GAREM1: variants seen among roughly 807,000 people sequenced by gnomAD.
GAREM1 encodes the protein GRB2 associated regulator of MAPK1 subtype 1, also known as GRB2-associated and regulator of MAPK protein 1.
GAREM1 carries 26 observed loss-of-function variants against 71.3 expected under a neutral mutation model. The observed-to-expected ratio is 0.36, with a 90% CI of 0.27 to 0.51. The LOEUF is 0.51. Ranked by LOEUF, GAREM1 falls within the 20% of genes least tolerant of loss-of-function variation. The pLI is 0.95. For synonymous variants in GAREM1, 440 were observed against 433.2 expected (o/e 1.02, Z -0.20); for missense variants, 1,026 against 1,103.1 (o/e 0.93, Z 0.99).
intron 2 of GAREM1, among the ~76,000 whole-genome samples, chr18:32,357,450 T>C (rs984954032): frequency 2.0e-5 from 3 of 152,244 alleles, no homozygotes; most frequent in Non-Finnish European, 4.4e-5. Context: ...CCTCTCACTC[T>C]CTCTGGACCG....
chr18:32,274,400 A>G (rs897885821), intron 4 of GAREM1, among the ~76,000 whole-genome samples: 1 of 152,212 alleles, frequency 6.6e-6, no homozygotes, highest in Non-Finnish European at 1.5e-5. Flanking sequence ...TAGACGGTCA[A>G]TCACCCTATC....
Position 32,316,406 on chromosome 18 carries a change from T to C in GAREM1, c.263-6083A>G, listed in dbSNP as rs1191884918. Among the ~76,000 whole-genome samples, 6 of 152,238 alleles carry C rather than the reference T, an allele frequency of 3.9e-5. No homozygotes were observed. In the East Asian group the frequency reaches 9.6e-4, roughly 24 times the overall value. On this transcript the variant is annotated intron_variant, in intron 2 of 5. Coordinates refer to ENST00000269209, the MANE Select transcript of GAREM1 (RefSeq NM_001242409.2). ...CATATTTGTGTACACATATTATATTTTAAACTTTCTCTTGTGATGTTAAAT... is the reference window on the plus strand; with the variant it reads ...CATATTTGTGTACACATATTATATTCTAAACTTTCTCTTGTGATGTTAAAT...
At chr18:32,315,416 AATATAT>A (rs1052857670) in intron 2 of GAREM1, among the ~76,000 whole-genome samples, 4 of 147,888 alleles carry the variant, frequency 2.7e-5, no homozygotes, top group Non-Finnish European at 6.0e-5. Context: ...GTATTATATA[AATATAT>A]ATAAAGTATA....
intron 2 of GAREM1, among the ~76,000 whole-genome samples, chr18:32,370,588 T>C (rs1425095071): frequency 6.6e-6 from 1 of 152,196 alleles, no homozygotes; most frequent in East Asian, 1.9e-4. Context: ...AATTCCAACA[T>C]AAAGTAAACA....
chr18:32,427,740 G>A (rs1169895415), intron 1 of GAREM1, among the ~76,000 whole-genome samples: 1 of 152,132 alleles, frequency 6.6e-6, no homozygotes, highest in Non-Finnish European at 1.5e-5. Context: ...ATTAAGCTCA[G>A]ACAACTAAAA....
At chr18:32,399,249 T>G (rs186663725) in intron 1 of GAREM1, among the ~76,000 whole-genome samples, 24 of 152,302 alleles carry the variant, frequency 1.6e-4, no homozygotes, top group Non-Finnish European at 1.5e-5. Flanking sequence ...GCATTCCCTT[T>G]GAAAACTGGC....
At chr18:32,314,069 A>G (rs2047351685) in intron 2 of GAREM1, among the ~76,000 whole-genome samples, 1 of 151,544 alleles carries the variant, frequency 6.6e-6, no homozygotes, top group Admixed American at 6.6e-5. Flanking sequence ...ATGTTACAGT[A>G]CATACTTTTT....
intron 1 of GAREM1, among the ~76,000 whole-genome samples, chr18:32,399,474 T>C (rs903090231): frequency 5.9e-5 from 9 of 152,158 alleles, no homozygotes; most frequent in African/African-American, 1.9e-4. Flanking sequence ...TTCAGCAAAG[T>C]CTCAGGATAC....
chr18:32,364,114 A>G (rs569882727), intron 2 of GAREM1, among the ~76,000 whole-genome samples: 143 of 140,472 alleles, frequency 1.0e-3, no homozygotes, highest in African/African-American at 3.5e-3. Flanking sequence ...AGCTCACTGC[A>G]ACCTCCACCT....
intron 1 of GAREM1, among the ~76,000 whole-genome samples, chr18:32,405,200 CTTTTTTTT>C (rs2048354181): frequency 6.7e-6 from 1 of 149,404 alleles, no homozygotes; most frequent in Non-Finnish European, 1.5e-5. Flanking sequence ...TTTTTTTTTT[CTTTTTTTT>C]GTCTTTTTGA....
chr18:32,451,248 T>TCCCCCCCCCCC (rs1164223308), intron 1 of GAREM1, among the ~76,000 whole-genome samples: 9 of 102,438 alleles, frequency 8.8e-5, no homozygotes, highest in African/African-American at 2.1e-4. Context: ...AGAGCCCCCA[T>TCCCCCCCCCCC]CCCCCCACCC....
At chr18:32,380,407 C>T (rs1388349069) in intron 2 of GAREM1, among the ~76,000 whole-genome samples, 2 of 138,172 alleles carry the variant, frequency 1.4e-5, no homozygotes, top group Non-Finnish European at 3.0e-5. Context: ...ACCAGGGAGG[C>T]GGAGGTTGCA....
At chr18:32,361,199 G>A (rs943142189) in intron 2 of GAREM1, among the ~76,000 whole-genome samples, 2 of 152,026 alleles carry the variant, frequency 1.3e-5, no homozygotes, top group African/African-American at 4.8e-5. Context: ...TCTGCCTTGG[G>A]GATCACCTAC....
intron 1 of GAREM1, among the ~76,000 whole-genome samples, chr18:32,468,530 GAC>G (rs2049018882): frequency 6.6e-6 from 1 of 152,204 alleles, no homozygotes; most frequent in South Asian, 2.1e-4. Flanking sequence ...AGCTTGAAAG[GAC>G]ACAGTGTTAA....
At chr18:32,368,916 A>C (rs2047951640) in intron 2 of GAREM1, among the ~76,000 whole-genome samples, 1 of 152,230 alleles carries the variant, frequency 6.6e-6, no homozygotes, top group Non-Finnish European at 1.5e-5. Flanking sequence ...GCCAAAAAAA[A>C]ATCTGCTTTG....
rs190686902 is a variant in GAREM1, at chr18:32,434,925, C to T, written c.121+35383G>A. Among the ~76,000 whole-genome samples the T allele has an allele frequency of 2.0e-5, 3 of 152,190 alleles. No individual in the cohort carries two copies. In the East Asian group the frequency reaches 5.8e-4, roughly 29 times the overall value. ...ATAGAGAACTCTGGCAGAGACCACC[C>T]TAACCGATAAGGAAAGTTAACATCA... On this transcript the variant is annotated intron_variant, in intron 1 of 5. Transcript: ENST00000269209.
At chr18:32,454,211 T>C (rs75289055) in intron 1 of GAREM1, among the ~76,000 whole-genome samples, 2,215 of 152,132 alleles carry the variant, frequency 0.015, 48 homozygotes, top group African/African-American at 0.051. Context: ...TTTCTTATGT[T>C]TGCTTTACAC....
chr18:32,334,223 A>AG (rs1373049992), intron 2 of GAREM1, among the ~76,000 whole-genome samples: 1 of 151,920 alleles, frequency 6.6e-6, no homozygotes. Flanking sequence ...AGAAGACTTA[A>AG]TCACACCCCG....
intron 3 of GAREM1, among the ~76,000 whole-genome samples, chr18:32,289,634 C>G (rs1488393686): frequency 1.3e-5 from 2 of 152,052 alleles, no homozygotes; most frequent in African/African-American, 2.4e-5. Flanking sequence ...GGGTGCTATG[C>G]TTCTAGCTGA....
Sources: gnomAD v4.1 joint callset for allele counts (sites outside exome capture counted in the v4.1 genomes callset) on GRCh38, gnomAD v4.1.1 for gene constraint, MANE v1.5 for transcripts, NCBI Gene and HGNC (gene_info 2026-07-23, HGNC 2026-07-21) for gene names.